Variants in TMEM156 observed in about 807,000 individuals in gnomAD.
TMEM156 encodes the protein transmembrane protein 156.
A neutral mutation model predicts 30.5 loss-of-function variants in TMEM156; 28 were observed. That is an observed-to-expected ratio of 0.92 (90% confidence interval 0.68 to 1.26). The LOEUF (loss-of-function observed/expected upper bound fraction) is 1.26. Ranked by LOEUF, TMEM156 falls within the 50% of genes most tolerant of loss-of-function variation. The probability of loss-of-function intolerance (pLI) is 0.00; values close to 1 mark genes in which losing one functional copy is unlikely to be tolerated. For missense variants in TMEM156, 351 were observed against 340.6 expected (o/e 1.03, Z -0.24); for synonymous variants, 137 against 119.9 (o/e 1.14, Z -0.93).
In TMEM156 at chr4:38,978,314, A is replaced by G. The variant is rs545742195; in HGVS notation, c.824-7177T>C. 3.3e-5 allele frequency among the ~76,000 whole-genome samples: 5 copies of G among 152,322 alleles called. No homozygotes were observed. The East Asian group carries it at 9.6e-4, about 29-fold the overall frequency. On this transcript the variant is annotated intron_variant, in intron 5 of 6. Coordinates refer to ENST00000381938, the MANE Select transcript of TMEM156 (RefSeq NM_024943.3). ...AAATAGGGTTAGGAGATCACACAGT[A>G]TCTGTCCCTCTGTGCCCTCCACGTC...
At chr4:38,968,834 C>T (rs1014069370) in intron 6 of TMEM156, among the ~76,000 whole-genome samples, 8 of 152,178 alleles carry the variant, frequency 5.3e-5, no homozygotes, top group Non-Finnish European at 8.8e-5. Flanking sequence ...TTGGCTGCCT[C>T]TCCCAATCTG....
Position 38,971,146 on chromosome 4 carries a change from G to T in TMEM156, c.824-9C>A, listed in dbSNP as rs1722579374. The T allele has an allele frequency of 6.2e-7, 1 of 1,613,416 alleles. No individual in the cohort carries two copies. Among genetic ancestry groups the T allele is most frequent in the Non-Finnish European group, 8.5e-7 (1 of 1,179,532 alleles). On this transcript the variant is annotated splice_polypyrimidine_tract_variant and intron_variant, in intron 5 of 6. Coordinates refer to ENST00000381938, the MANE Select transcript of TMEM156 (RefSeq NM_024943.3). ...CCTCTGCGTGGTCTCTGCTATTTAAGAAGGAGAACTGTTTTAGTCTATATG... is the reference window on the plus strand; with the variant it reads ...CCTCTGCGTGGTCTCTGCTATTTAATAAGGAGAACTGTTTTAGTCTATATG...
intron 1 of TMEM156, among the ~76,000 whole-genome samples, chr4:38,999,653 C>A (rs1304540924): frequency 6.6e-6 from 1 of 152,140 alleles, no homozygotes; most frequent in East Asian, 1.9e-4. Context: ...AGTCCAACAT[C>A]GTTTCAGTAG....
chr4:38,985,733 C>T (rs1347971070), intron 5 of TMEM156, among the ~76,000 whole-genome samples: 7 of 152,190 alleles, frequency 4.6e-5, no homozygotes, highest in Non-Finnish European at 1.5e-5. Flanking sequence ...AGGGCTTCGT[C>T]CATGTCACAT....
At chr4:38,989,276 G>A (rs1347623160) in intron 3 of TMEM156, among the ~76,000 whole-genome samples, 5 of 152,172 alleles carry the variant, frequency 3.3e-5, no homozygotes, top group Non-Finnish European at 7.3e-5. Flanking sequence ...ACTAAGGTAA[G>A]ACCACAACAT....
intron 1 of TMEM156, among the ~76,000 whole-genome samples, chr4:39,017,715 A>T (rs756205013): frequency 5.3e-5 from 8 of 152,180 alleles, no homozygotes; most frequent in Non-Finnish European, 1.0e-4. Flanking sequence ...TTTAGAATTG[A>T]TGCATATTCT....
chr4:39,000,070 T>C (rs1713228001), intron 1 of TMEM156, among the ~76,000 whole-genome samples: 1 of 152,076 alleles, frequency 6.6e-6, no homozygotes, highest in African/African-American at 2.4e-5. Flanking sequence ...TATGGTATAA[T>C]AGAAATAATA....
intron 6 of TMEM156, 49 bp downstream of exon 6, chr4:38,970,983 T>G: frequency 8.0e-7 from 1 of 1,243,498 alleles, no homozygotes; most frequent in Non-Finnish European, 1.2e-6. Context: ...ATCCTTGAAT[T>G]TATCTGTGTT....
At chr4:38,986,462 C>T (rs60584759) in intron 4 of TMEM156, 43 bp from the exon 5 acceptor site, 72,795 of 1,421,390 alleles carry the variant, frequency 0.051, 2,513 homozygotes, top group African/African-American at 0.13. Flanking sequence ...GATAAACAAG[C>T]GCATTGTTAA....
intron 1 of TMEM156, among the ~76,000 whole-genome samples, chr4:39,024,098 C>T (rs569222356): frequency 8.7e-4 from 133 of 152,218 alleles, no homozygotes; most frequent in African/African-American, 2.9e-3. Context: ...TGAAGTGGCG[C>T]CATCTTGGCT....
intron 1 of TMEM156, among the ~76,000 whole-genome samples, chr4:39,012,417 A>T (rs763609271): frequency 6.6e-6 from 1 of 152,244 alleles, no homozygotes; most frequent in Non-Finnish European, 1.5e-5. Flanking sequence ...CACTATAAAT[A>T]TTTATGTCAA....
chr4:38,996,858 T>C (rs1025669731), intron 2 of TMEM156, among the ~76,000 whole-genome samples: 1 of 152,170 alleles, frequency 6.6e-6, no homozygotes, highest in South Asian at 2.1e-4. Flanking sequence ...TCAATGTCCA[T>C]TGATAAATGA....
At chr4:39,017,912 C>T (rs985086511) in intron 1 of TMEM156, among the ~76,000 whole-genome samples, 4 of 152,000 alleles carry the variant, frequency 2.6e-5, no homozygotes, top group East Asian at 1.9e-4. Flanking sequence ...GGCATATTTC[C>T]GGAAATTGCT....
At chr4:39,006,536 C>T (rs1283136612) in intron 1 of TMEM156, among the ~76,000 whole-genome samples, 1 of 151,928 alleles carries the variant, frequency 6.6e-6, no homozygotes, top group East Asian at 1.9e-4. Context: ...TGTCTGAAGT[C>T]CTTCTTCCTT....
At chr4:38,976,785 T>C (rs1722875090) in intron 5 of TMEM156, among the ~76,000 whole-genome samples, 1 of 152,256 alleles carries the variant, frequency 6.6e-6, no homozygotes, top group Non-Finnish European at 1.5e-5. Flanking sequence ...TGGATTTTTA[T>C]AGACATCCAA....
At chr4:38,997,407 T>G (rs1713007803) in intron 2 of TMEM156, among the ~76,000 whole-genome samples, 1 of 152,194 alleles carries the variant, frequency 6.6e-6, no homozygotes, top group African/African-American at 2.4e-5. Context: ...AACTTGCACA[T>G]GTACACCCTG....
At chr4:39,008,312 T>C (rs1713883806) in intron 1 of TMEM156, among the ~76,000 whole-genome samples, 1 of 152,154 alleles carries the variant, frequency 6.6e-6, no homozygotes, top group Non-Finnish European at 1.5e-5. Flanking sequence ...TTGCTGGGAA[T>C]TTTTAATTAT....
chr4:39,016,124 C>T (rs1051758226), intron 1 of TMEM156, among the ~76,000 whole-genome samples: 3 of 152,014 alleles, frequency 2.0e-5, no homozygotes, highest in Non-Finnish European at 4.4e-5. Context: ...GCCTGTAATC[C>T]AGCACTTTGG....
At chr4:38,993,064 A>T (rs1712657879) in intron 3 of TMEM156, among the ~76,000 whole-genome samples, 1 of 151,658 alleles carries the variant, frequency 6.6e-6, no homozygotes, top group South Asian at 2.1e-4. Context: ...CCCAGCCAAT[A>T]TTCATATTTT....
Sources: allele counts gnomAD v4.1 joint callset (sites outside exome capture counted in the v4.1 genomes callset), GRCh38; gene constraint gnomAD v4.1.1; transcripts MANE v1.5; gene names NCBI Gene and HGNC (gene_info 2026-07-23, HGNC 2026-07-21).